SLIT3: variants seen among roughly 807,000 people sequenced by gnomAD.
SLIT3 encodes the protein slit homolog 3 protein.
A neutral mutation model predicts 184.0 loss-of-function variants in SLIT3; 68 were observed. That is an observed-to-expected ratio of 0.37 (90% CI 0.30 to 0.45). The LOEUF is 0.45. SLIT3 is among the 20% of genes least tolerant of loss of function. The pLI is 1.00. For missense variants in SLIT3, 1,707 were observed against 2,026.0 expected (o/e 0.84, Z 3.02); for synonymous variants, 831 against 828.6 (o/e 1.00, Z -0.05).
chr5:168,785,726 C>G (rs763249948), intron 12 of SLIT3, among the ~76,000 whole-genome samples, 181 bp downstream of exon 12: 17 of 152,320 alleles, frequency 1.1e-4, no homozygotes, highest in Admixed American at 7.2e-4. Flanking sequence ...TTCCTCTGCC[C>G]GCTCGCTGAC....
chr5:169,225,034 T>C (rs1265749951), intron 3 of SLIT3, among the ~76,000 whole-genome samples: 1 of 152,234 alleles, frequency 6.6e-6, no homozygotes, highest in Non-Finnish European at 1.5e-5. Context: ...TTAAAATCTA[T>C]ATATTTTATG....
At chr5:168,776,854 CAT>C (rs1194100426) in intron 12 of SLIT3, among the ~76,000 whole-genome samples, 2 of 152,090 alleles carry the variant, frequency 1.3e-5, no homozygotes, top group Non-Finnish European at 2.9e-5. Flanking sequence ...AAAGTACACA[CAT>C]GGTGAGTGTT....
intron 12 of SLIT3, among the ~76,000 whole-genome samples, chr5:168,778,387 T>G (rs1055458375): frequency 6.6e-6 from 1 of 152,222 alleles, no homozygotes; most frequent in Non-Finnish European, 1.5e-5. Flanking sequence ...CTCTTTTCCA[T>G]TTTCCCTATG....
intron 4 of SLIT3, among the ~76,000 whole-genome samples, chr5:169,090,455 G>A (rs1323659568): frequency 2.6e-5 from 4 of 152,134 alleles, no homozygotes; most frequent in African/African-American, 9.7e-5. Flanking sequence ...GAAGGAAGAA[G>A]AATGGGTTTG....
At chr5:169,133,276 AGT>A (rs765586790) in intron 4 of SLIT3, among the ~76,000 whole-genome samples, 1 of 152,154 alleles carries the variant, frequency 6.6e-6, no homozygotes, top group Non-Finnish European at 1.5e-5. Flanking sequence ...TTCACTTTAC[AGT>A]GTTTGTCAAT....
At chr5:169,062,809 T>G (rs1279699476) in intron 4 of SLIT3, among the ~76,000 whole-genome samples, 1 of 152,156 alleles carries the variant, frequency 6.6e-6, no homozygotes, top group Non-Finnish European at 1.5e-5. Flanking sequence ...CATTTCCCCC[T>G]TCATGTTCCT....
At chr5:168,954,262 G>A (rs1762750585) in intron 4 of SLIT3, among the ~76,000 whole-genome samples, 1 of 152,080 alleles carries the variant, frequency 6.6e-6, no homozygotes, top group East Asian at 1.9e-4. Flanking sequence ...GCTGGAGGAG[G>A]GGAGCACAGA....
At chr5:168,979,552 AG>A in intron 4 of SLIT3, among the ~76,000 whole-genome samples, 1 of 152,312 alleles carries the variant, frequency 6.6e-6, no homozygotes, top group Admixed American at 6.5e-5. Context: ...TATTACACAA[AG>A]AAAGTTCTCT....
chr5:168,762,456 C>T, intron 15 of SLIT3, 83 bp downstream of exon 15: 3 of 1,486,764 alleles, frequency 2.0e-6, no homozygotes, highest in Non-Finnish European at 1.9e-6. Flanking sequence ...GAAGGGGTCA[C>T]CGCCAGGAGA....
intron 3 of SLIT3, among the ~76,000 whole-genome samples, chr5:169,196,219 G>A (rs1455996984): frequency 6.6e-6 from 1 of 152,068 alleles, no homozygotes; most frequent in South Asian, 2.1e-4. Flanking sequence ...CTATTTTTAT[G>A]TTTTGAGTAG....
intron 2 of SLIT3, among the ~76,000 whole-genome samples, chr5:169,245,666 AT>A (rs758469907): frequency 6.6e-6 from 1 of 152,158 alleles, no homozygotes; most frequent in Non-Finnish European, 1.5e-5. Context: ...AGGGCTATGG[AT>A]TCCTCTGGAT....
At chr5:168,888,274 G>C (rs1760299038) in intron 4 of SLIT3, among the ~76,000 whole-genome samples, 1 of 152,256 alleles carries the variant, frequency 6.6e-6, no homozygotes, top group Admixed American at 6.5e-5. Context: ...GCATCAGACA[G>C]TCCTTGGTTA....
chr5:168,747,620 G>A (rs950445157), intron 20 of SLIT3, among the ~76,000 whole-genome samples: 5 of 152,128 alleles, frequency 3.3e-5, no homozygotes, highest in East Asian at 1.9e-4. Context: ...GCTTTCCTGG[G>A]GGGCAGAAAT....
intron 16 of SLIT3, among the ~76,000 whole-genome samples, chr5:168,757,973 C>G (rs561977886): frequency 4.7e-4 from 71 of 152,320 alleles, no homozygotes; most frequent in African/African-American, 1.6e-3. Context: ...CTGGGAAGGG[C>G]AGAGCTGAAC....
At chr5:168,977,900 C>T (rs934861962) in intron 4 of SLIT3, among the ~76,000 whole-genome samples, 2 of 152,178 alleles carry the variant, frequency 1.3e-5, no homozygotes, top group East Asian at 3.9e-4. Flanking sequence ...TTGTCTACAC[C>T]TCTTCTGCCA....
chr5:169,005,429 T>C (rs906493642), intron 4 of SLIT3, among the ~76,000 whole-genome samples: 2 of 152,076 alleles, frequency 1.3e-5, no homozygotes, highest in African/African-American at 4.8e-5. Context: ...TATAGGAGAG[T>C]TCCTGGCCCA....
At chr5:169,298,106 C>T (rs1466920880) in intron 1 of SLIT3, among the ~76,000 whole-genome samples, 1 of 152,038 alleles carries the variant, frequency 6.6e-6, no homozygotes, top group Non-Finnish European at 1.5e-5. Context: ...TGCAGTGAAC[C>T]TGACCCAGCT....
intron 1 of SLIT3, among the ~76,000 whole-genome samples, chr5:169,257,584 T>C (rs1471931345): frequency 6.3e-5 from 8 of 126,792 alleles, no homozygotes; most frequent in Non-Finnish European, 1.1e-4. Flanking sequence ...TCTCCCTCTG[T>C]CACCCGGGCT....
intron 2 of SLIT3, among the ~76,000 whole-genome samples, chr5:169,248,301 C>A (rs1021062391): frequency 1.3e-5 from 2 of 152,084 alleles, no homozygotes; most frequent in African/African-American, 2.4e-5. Context: ...CTGCTGGGAC[C>A]CTCACTGACC....
Sources: gnomAD v4.1 joint callset for allele counts (sites outside exome capture counted in the v4.1 genomes callset) on GRCh38, gnomAD v4.1.1 for gene constraint, MANE v1.5 for transcripts, NCBI Gene and HGNC (gene_info 2026-07-23, HGNC 2026-07-21) for gene names.